The following TBCD variants were observed in gnomAD, a reference collection of about 807,000 sequenced individuals.
The protein encoded by TBCD is tubulin-specific chaperone D.
A neutral mutation model predicts 169.3 loss-of-function variants in TBCD; 105 were observed. That is an observed-to-expected ratio of 0.62 (90% CI 0.53 to 0.73). The LOEUF is 0.73. Among genes scored for constraint, TBCD ranks in the 30% least tolerant of loss-of-function variants. TBCD has a pLI of 0.00. For missense variants in TBCD, 1,444 were observed against 1,600.1 expected (o/e 0.90, Z 1.66); for synonymous variants, 700 against 643.9 (o/e 1.09, Z -1.32).
At position 82,840,951 on chromosome 17, in the gene TBCD, CTGGT is replaced by C. The variant is rs2054437440; in HGVS notation, c.1318+26019_1318+26022del. Reference sequence around the variant, plus strand: ...GGACGAGCTGGCCAGGACAGACAAACTGGTTTTTTTTTTTTTTTTTTTTTTTTTT... The same window carrying C: ...GGACGAGCTGGCCAGGACAGACAAACTTTTTTTTTTTTTTTTTTTTTTTTT... On this transcript the variant is annotated intron_variant, in intron 13 of 38. Transcript: ENST00000355528. 3.1e-4 allele frequency among the ~76,000 whole-genome samples: 18 copies of C among 57,996 alleles called. 7 individuals carry two copies. The highest frequency in any genetic ancestry group is 2.4e-3 in the East Asian group (4 of 1,638). 38.0% of individuals were successfully genotyped at this position (57,996 alleles called of 152,430 possible).
intron 7 of TBCD, among the ~76,000 whole-genome samples, chr17:82,787,331 A>G (rs1598490576): frequency 6.6e-6 from 1 of 152,162 alleles, no homozygotes; most frequent in Non-Finnish European, 1.5e-5. Context: ...AATGAATGAA[A>G]CTGCCGTGAA....
chr17:82,774,516 G>T (rs1221119862), intron 6 of TBCD, among the ~76,000 whole-genome samples: 2 of 151,956 alleles, frequency 1.3e-5, no homozygotes, highest in East Asian at 3.8e-4. Context: ...TTTTCTATTC[G>T]ACAAAACCGC....
chr17:82,930,101 G>A lies in TBCD; in HGVS notation c.2992-421G>A, dbSNP rs2062071878. On this transcript the variant is annotated intron_variant, in intron 32 of 38. Transcript: ENST00000355528. This position sits in a 1 kb window ranked among gnomAD's most constrained non-coding sequence, Gnocchi z 5.2. The stretch of plus-strand genomic sequence containing the variant: ...CGCGTGCGGGGAGACCCGGGCCCCA[G>A]GACGTGAGGTGCCCTCTGCGCCGTG... 3.9e-6 allele frequency: 1 copy of A among 254,632 alleles called. No individual in the cohort carries two copies. The highest frequency in any genetic ancestry group is 7.7e-6 in the Non-Finnish European group (1 of 130,426). 15.8% of individuals were successfully genotyped at this position (254,632 alleles called of 1,614,324 possible).
chr17:82,846,418 T>C lies in TBCD; in HGVS notation c.1319-23806T>C, dbSNP rs552116867. ...CAGCCCTCTGCTGCCCGCTGCTCTC[T>C]TTGGGACTTCCATTGTTTCCCCTTC... On this transcript the variant is annotated intron_variant, in intron 13 of 38. Transcript: ENST00000355528. Among the ~76,000 whole-genome samples, 5 of 148,308 alleles carry C rather than the reference T, an allele frequency of 3.4e-5. No homozygotes were observed. In the South Asian group the frequency reaches 1.1e-3, roughly 31 times the overall value.
At chr17:82,941,574 G>A (rs1445367957) in intron 38 of TBCD, 91 bp downstream of exon 38, 24 of 1,178,092 alleles carry the variant, frequency 2.0e-5, no homozygotes, top group Non-Finnish European at 2.8e-5. Context: ...GCTTCTGCCA[G>A]CACGTCCACA....
At chr17:82,807,742 A>G in intron 11 of TBCD, 74 bp downstream of exon 11, 1 of 1,227,798 alleles carries the variant, frequency 8.1e-7, no homozygotes, top group Non-Finnish European at 1.1e-6. Flanking sequence ...AGCTACAAAT[A>G]CCCAACAGCT....
At chr17:82,804,191 G>A (rs1443546397) in intron 9 of TBCD, among the ~76,000 whole-genome samples, 1 of 151,984 alleles carries the variant, frequency 6.6e-6, no homozygotes, top group Non-Finnish European at 1.5e-5. Context: ...GTGCCTGCTC[G>A]TGGGGCATTA....
At chr17:82,867,383 AGTTGCCGGGTGGTC>A (rs1251151801) in intron 13 of TBCD, among the ~76,000 whole-genome samples, 1 of 152,210 alleles carries the variant, frequency 6.6e-6, no homozygotes, top group Non-Finnish European at 1.5e-5. Context: ...GAGGCTATGG[AGTTGCCGGGTGGTC>A]GTGCCTGGGG....
intron 26 of TBCD, 118 bp from the exon 27 acceptor site, chr17:82,924,821 C>T: frequency 2.7e-6 from 2 of 751,710 alleles, no homozygotes; most frequent in Non-Finnish European, 4.3e-6. Context: ...CTTTGGGAAC[C>T]TCAGGCGGCT....
chr17:82,921,974 T>C (rs1429197757), intron 25 of TBCD, among the ~76,000 whole-genome samples: 3 of 152,216 alleles, frequency 2.0e-5, no homozygotes, highest in African/African-American at 7.2e-5. Flanking sequence ...CTCGCACACA[T>C]TGACCTGGTC....
intron 30 of TBCD, 127 bp downstream of exon 30, chr17:82,928,115 A>C (rs1268040105): frequency 1.2e-6 from 1 of 816,736 alleles, no homozygotes; most frequent in Non-Finnish European, 2.0e-6. Context: ...CCTCCCAGAG[A>C]GCCTCTCTGG....
chr17:82,938,428 G>A (rs1470713285), intron 36 of TBCD, among the ~76,000 whole-genome samples: 1 of 152,200 alleles, frequency 6.6e-6, no homozygotes, highest in African/African-American at 2.4e-5. Flanking sequence ...GGCTGAAGTG[G>A]TTCAGCCACA....
intron 13 of TBCD, among the ~76,000 whole-genome samples, chr17:82,856,770 TCGC>T (rs1297029482): frequency 1.4e-5 from 2 of 141,320 alleles, no homozygotes; most frequent in African/African-American, 2.7e-5. Flanking sequence ...CAGGGCGGGA[TCGC>T]TGGACCGCGT....
chr17:82,794,236 G>A (rs996251735), intron 7 of TBCD, among the ~76,000 whole-genome samples: 7 of 152,192 alleles, frequency 4.6e-5, no homozygotes, highest in Non-Finnish European at 4.4e-5. Flanking sequence ...TGATTTACTG[G>A]GCTTGGAGAA....
chr17:82,869,004 C>G (rs973605139), intron 13 of TBCD, among the ~76,000 whole-genome samples: 1 of 151,870 alleles, frequency 6.6e-6, no homozygotes, highest in African/African-American at 2.4e-5. Flanking sequence ...TGGAGCGGGT[C>G]GTGTGCAGAG....
chr17:82,755,579 C>A (rs1661709673), intron 1 of TBCD, among the ~76,000 whole-genome samples: 1 of 152,158 alleles, frequency 6.6e-6, no homozygotes, highest in African/African-American at 2.4e-5. Flanking sequence ...TCAGCTGTGC[C>A]TGAATTCCAA....
intron 13 of TBCD, among the ~76,000 whole-genome samples, chr17:82,854,492 G>T (rs2056085673): frequency 6.6e-6 from 1 of 152,232 alleles, no homozygotes; most frequent in African/African-American, 2.4e-5. Context: ...CGTATCCTCT[G>T]CTCTGTGGTG....
chr17:82,796,218 T>G (rs2050098165), intron 7 of TBCD: 1 of 152,240 alleles, frequency 6.6e-6, no homozygotes, highest in African/African-American at 2.4e-5. Flanking sequence ...CGCGTCCCGT[T>G]GCGGGGAGCT....
chr17:82,791,058 G>C (rs917184928), intron 7 of TBCD, among the ~76,000 whole-genome samples: 11 of 151,004 alleles, frequency 7.3e-5, no homozygotes, highest in Non-Finnish European at 1.3e-4. Flanking sequence ...TTTGTTTTCA[G>C]GCTTTCTGTG....
Sources: gnomAD v4.1 joint callset for allele counts (sites outside exome capture counted in the v4.1 genomes callset) on GRCh38, gnomAD v4.1.1 for gene constraint, Gnocchi (gnomAD v3.1) non-coding constraint, MANE v1.5 for transcripts, NCBI Gene and HGNC (gene_info 2026-07-23, HGNC 2026-07-21) for gene names.